Variants in GNPTAB observed in about 807,000 individuals in gnomAD.
The protein encoded by GNPTAB is N-acetylglucosamine-1-phosphotransferase subunits alpha/beta.
Under a neutral mutation model 136.6 loss-of-function variants are expected in GNPTAB, and 92 were observed. The ratio of observed to expected loss-of-function variants is 0.67; its 90% CI spans 0.57 to 0.80. GNPTAB has a LOEUF of 0.80. GNPTAB is among the 30% of genes least tolerant of loss of function. GNPTAB has a pLI of 0.00. For missense variants in GNPTAB, 1,343 were observed against 1,501.8 expected, an observed-to-expected ratio of 0.89 and a Z score of 1.75; for synonymous variants, 512 against 535.1, an observed-to-expected ratio of 0.96 and a Z score of 0.60.
chr12:101,816,836 T>C (rs761719850), intron 1 of GNPTAB, among the ~76,000 whole-genome samples: 8 of 152,244 alleles, frequency 5.3e-5, no homozygotes, highest in African/African-American at 7.2e-5. Context: ...AAATGGTTTA[T>C]ACACACAATG....
chr12:101,780,743 A>G, intron 5 of GNPTAB, 122 bp from the exon 6 acceptor site: 6 of 723,432 alleles, frequency 8.3e-6, no homozygotes, highest in Non-Finnish European at 1.5e-5. Context: ...GTCCAAAAAA[A>G]GGAAGCTGAA....
At chr12:101,824,427 TA>T (rs1379652109) in intron 1 of GNPTAB, among the ~76,000 whole-genome samples, 44 of 107,548 alleles carry the variant, frequency 4.1e-4, no homozygotes, top group African/African-American at 1.5e-3. Context: ...TATATATATA[TA>T]TATATTTTCT....
intron 19 of GNPTAB, among the ~76,000 whole-genome samples, chr12:101,751,069 G>A (rs771099938): frequency 6.6e-6 from 1 of 152,038 alleles, no homozygotes; most frequent in Non-Finnish European, 1.5e-5. Context: ...CATGAAGTCT[G>A]ATCATGACAA....
chr12:101,759,834 G>A (rs891515791), intron 16 of GNPTAB, among the ~76,000 whole-genome samples, 196 bp downstream of exon 16: 1 of 152,194 alleles, frequency 6.6e-6, no homozygotes, highest in Non-Finnish European at 1.5e-5. Context: ...TCCAAATTAC[G>A]CATCTATGGG....
chr12:101,778,531 A>G (rs1472869343), intron 7 of GNPTAB: 1 of 152,260 alleles, frequency 6.6e-6, no homozygotes, highest in Admixed American at 6.5e-5. Flanking sequence ...GAGATGTATT[A>G]TCTATTCTAA....
intron 13 of GNPTAB, among the ~76,000 whole-genome samples, chr12:101,762,302 A>G (rs1953009458): frequency 6.6e-6 from 1 of 152,236 alleles, no homozygotes; most frequent in Non-Finnish European, 1.5e-5. Flanking sequence ...CACTTTACAG[A>G]AATATTTTTG....
intron 1 of GNPTAB, among the ~76,000 whole-genome samples, chr12:101,804,363 G>A (rs555979150): frequency 6.6e-5 from 10 of 151,314 alleles, no homozygotes; most frequent in Non-Finnish European, 1.0e-4. Context: ...AAGAACCAAC[G>A]AACTACCAAA....
intron 1 of GNPTAB, among the ~76,000 whole-genome samples, chr12:101,818,363 AAT>A (rs890155063): frequency 6.6e-6 from 1 of 150,484 alleles, no homozygotes; most frequent in African/African-American, 2.5e-5. Flanking sequence ...AAGCAACTTA[AAT>A]ATATTTGTGT....
At chr12:101,785,937 C>A in intron 5 of GNPTAB, 75 bp downstream of exon 5, 1 of 1,087,870 alleles carries the variant, frequency 9.2e-7, no homozygotes, top group South Asian at 1.4e-5. Context: ...TGAATCATTT[C>A]TATTCCACTC....
At chr12:101,802,054 C>T (rs954073325) in intron 1 of GNPTAB, among the ~76,000 whole-genome samples, 1 of 151,278 alleles carries the variant, frequency 6.6e-6, no homozygotes, top group African/African-American at 2.4e-5. Flanking sequence ...CAAATCAATT[C>T]GCCGGGCATG....
At position 101,766,312 on chromosome 12, in the gene GNPTAB, A is replaced by G; in HGVS notation, c.1409-18T>C. The G allele has an allele frequency of 2.5e-6, 4 of 1,601,282 alleles. No individual in the cohort carries two copies. The highest frequency in any genetic ancestry group is 3.4e-6 in the Non-Finnish European group (4 of 1,168,480). On this transcript the variant is annotated intron_variant, in intron 11 of 20. Transcript: ENST00000299314. ...ACTGTTTCCTGTAGATCGGAGGAAGAAGAGGGATTCTTGCTGTAATTACAA... is the reference window on the plus strand; with the variant it reads ...ACTGTTTCCTGTAGATCGGAGGAAGGAGAGGGATTCTTGCTGTAATTACAA...
At chr12:101,820,074 G>A (rs962073192) in intron 1 of GNPTAB, among the ~76,000 whole-genome samples, 1 of 152,286 alleles carries the variant, frequency 6.6e-6, no homozygotes, top group East Asian at 1.9e-4. Flanking sequence ...ATCCTGAGAT[G>A]GGACAGTTGG....
At chr12:101,823,133 C>A (rs1870902578) in intron 1 of GNPTAB, among the ~76,000 whole-genome samples, 1 of 152,224 alleles carries the variant, frequency 6.6e-6, no homozygotes, top group African/African-American at 2.4e-5. Flanking sequence ...CATCTTCTGA[C>A]AGTCCTCTCA....
At chr12:101,792,335 T>G (rs1164780419) in intron 2 of GNPTAB, among the ~76,000 whole-genome samples, 1 of 152,118 alleles carries the variant, frequency 6.6e-6, no homozygotes. Flanking sequence ...ATAGTTGAGA[T>G]GAAGGTCAAA....
In GNPTAB at chr12:101,745,851, T is replaced by C. The variant is rs1594196025; in HGVS notation, c.*1313A>G. Reference sequence around the variant, plus strand: ...GAGTTCAAGATAAGCCTGACCAATATGGTGGAACCCCCGTCTCTACTAAAA... The same window carrying C: ...GAGTTCAAGATAAGCCTGACCAATACGGTGGAACCCCCGTCTCTACTAAAA... On this transcript the variant is annotated 3_prime_UTR_variant, in exon 21 of 21. Transcript: ENST00000299314. 1 of 152,248 alleles carries C rather than the reference T, an allele frequency of 6.6e-6. No homozygotes were observed. Among genetic ancestry groups the C allele is most frequent in the African/African-American group, 2.4e-5 (1 of 41,432 alleles). 9.4% of individuals were successfully genotyped at this position (152,248 alleles called of 1,614,324 possible).
chr12:101,792,340 G>A (rs1475750005), intron 2 of GNPTAB, among the ~76,000 whole-genome samples: 1 of 152,094 alleles, frequency 6.6e-6, no homozygotes, highest in Non-Finnish European at 1.5e-5. Context: ...TGAGATGAAG[G>A]TCAAAGAGAT....
In GNPTAB at chr12:101,765,311, G is replaced by GA. The variant is rs1184131044; in HGVS notation, c.1613-8dup. 1 of 1,571,324 alleles carries GA rather than the reference G, an allele frequency of 6.4e-7. No individual in the cohort carries two copies. Among genetic ancestry groups the GA allele is most frequent in the Non-Finnish European group, 8.8e-7 (1 of 1,142,304 alleles). ...TACAATTCATGAAAATGATCTAGAG[G>GA]AAAAAACAGAAACATGATTTTTTTT... On this transcript the variant is annotated splice_polypyrimidine_tract_variant and splice_region_variant and intron_variant, in intron 12 of 20. Transcript: ENST00000299314.
chr12:101,780,567 C>G lies in GNPTAB; in HGVS notation c.626G>C (p.Arg209Thr). 6.2e-7 allele frequency: 1 copy of G among 1,607,284 alleles called. No individual in the cohort carries two copies. The highest frequency in any genetic ancestry group is 8.5e-7 in the Non-Finnish European group (1 of 1,174,290). The change falls in exon 6 of 21, where the codon AGG becomes ACG. Residue 209 changes from arginine to threonine, a missense_variant. Coordinates refer to ENST00000299314, the MANE Select transcript of GNPTAB (RefSeq NM_024312.5). ...LKGNSRQTVW[R>T]GYLTTDKEVP... ...TTTAAAATAACATACCAAGTAGCCCCTCCATACTGTCTGTCTGCTATTTCC... is the reference window on the plus strand; with the variant it reads ...TTTAAAATAACATACCAAGTAGCCCGTCCATACTGTCTGTCTGCTATTTCC...
Position 101,748,990 on chromosome 12 carries a change from A to G in GNPTAB, c.3693+111T>C, listed in dbSNP as rs762900177. 2.0e-4 allele frequency: 146 copies of G among 727,930 alleles called. 1 individual carries two copies. Among genetic ancestry groups the G allele is most frequent in the Non-Finnish European group, 3.4e-4 (136 of 402,592 alleles). The allele number at this position is 727,930 out of a possible 1,614,324, so 45.1% of individuals were successfully genotyped here. A position where few individuals can be genotyped will look rare whatever the true frequency, so the allele number is the denominator to read the frequency against. ...ATATTCACATATGAGCTATAAGACA[A>G]TAAGAGAAGTTAAAATTTTGATTGT... On this transcript the variant is annotated intron_variant, in intron 20 of 20. Coordinates refer to ENST00000299314, the MANE Select transcript of GNPTAB (RefSeq NM_024312.5).
Sources: allele counts gnomAD v4.1 joint callset (sites outside exome capture counted in the v4.1 genomes callset), GRCh38; gene constraint gnomAD v4.1.1; transcripts MANE v1.5; gene names NCBI Gene and HGNC (gene_info 2026-07-23, HGNC 2026-07-21).